Variants in STPG2 observed in about 807,000 individuals in gnomAD.
STPG2 encodes sperm-tail PG-rich repeat-containing protein 2.
STPG2 carries 56 observed loss-of-function variants against 54.2 expected under a neutral mutation model. The observed-to-expected ratio is 1.03, with a 90% CI of 0.83 to 1.29. The LOEUF (loss-of-function observed/expected upper bound fraction) is 1.29, where lower values mean the gene tolerates loss of function less well. STPG2 is among the 50% of genes most tolerant of loss of function. The pLI, the probability that STPG2 is intolerant of heterozygous loss-of-function variation, is 0.00. For missense variants in STPG2, 596 were observed against 544.9 expected (o/e 1.09, Z -0.93); for synonymous variants, 200 against 181.8 (o/e 1.10, Z -0.81).
At chr4:98,090,959 CTACACACACACACAAATACA>C (rs138313491) in intron 5 of STPG2, among the ~76,000 whole-genome samples, 59,798 of 151,102 alleles carry the variant, frequency 0.4, 12,041 homozygotes, top group Middle Eastern at 0.46. Context: ...CTACACACAG[CTACACACACACACAAATACA>C]TACACACACA....
At chr4:97,779,836 T>C (rs1311666284) in intron 9 of STPG2, among the ~76,000 whole-genome samples, 1 of 152,106 alleles carries the variant, frequency 6.6e-6, no homozygotes, top group Non-Finnish European at 1.5e-5. Context: ...AAACTAAGCT[T>C]CATAAGTGAA....
intron 5 of STPG2, among the ~76,000 whole-genome samples, chr4:98,104,418 C>G (rs1431197884): frequency 6.6e-6 from 1 of 152,006 alleles, no homozygotes; most frequent in African/African-American, 2.4e-5. Context: ...AGTTTAATTC[C>G]TTATTCTTTT....
chr4:98,072,178 A>G (rs981005258), intron 5 of STPG2, among the ~76,000 whole-genome samples: 4 of 152,238 alleles, frequency 2.6e-5, no homozygotes, highest in East Asian at 1.9e-4. Context: ...TCAATGATAG[A>G]CTGGATAAAG....
At chr4:97,584,554 G>T (rs1456061941) in intron 10 of STPG2, among the ~76,000 whole-genome samples, 1 of 151,888 alleles carries the variant, frequency 6.6e-6, no homozygotes, top group African/African-American at 2.4e-5. Flanking sequence ...AAATGAAATT[G>T]AAGCAAAATA....
intron 6 of STPG2, among the ~76,000 whole-genome samples, chr4:97,978,896 A>T (rs957065085): frequency 6.6e-6 from 1 of 152,134 alleles, no homozygotes; most frequent in Non-Finnish European, 1.5e-5. Flanking sequence ...AGAACTTCTC[A>T]AAAAGGGGCC....
intron 10 of STPG2, among the ~76,000 whole-genome samples, chr4:97,701,081 C>T (rs752711705): frequency 6.6e-6 from 1 of 152,162 alleles, no homozygotes; most frequent in African/African-American, 2.4e-5. Flanking sequence ...TCTCTGCAAT[C>T]CCTCCAGGGA....
intron 3 of STPG2, among the ~76,000 whole-genome samples, chr4:98,126,813 T>C (rs895641395): frequency 6.6e-6 from 1 of 152,086 alleles, no homozygotes; most frequent in Admixed American, 6.6e-5. Flanking sequence ...AATATAAATA[T>C]ATGGGGAGAA....
intron 7 of STPG2, among the ~76,000 whole-genome samples, chr4:97,956,162 A>C (rs1009838180): frequency 6.6e-6 from 1 of 152,294 alleles, no homozygotes; most frequent in East Asian, 1.9e-4. Context: ...AAGATAACAA[A>C]ATGGAGTTAA....
At chr4:97,474,387 G>C (rs72885594) in intron 4 of STPG2, among the ~76,000 whole-genome samples, 16,158 of 152,170 alleles carry the variant, frequency 0.11, 2,521 homozygotes, top group African/African-American at 0.34. Flanking sequence ...ATGGAGGTTG[G>C]GGGGTGGATA....
At chr4:97,599,042 A>G (rs1207875164) in intron 10 of STPG2, among the ~76,000 whole-genome samples, 1 of 152,208 alleles carries the variant, frequency 6.6e-6, no homozygotes, top group Non-Finnish European at 1.5e-5. Context: ...TCCAGCATCT[A>G]TAAGTAACTT....
At chr4:97,802,135 T>C (rs929078816) in intron 9 of STPG2, among the ~76,000 whole-genome samples, 1 of 152,174 alleles carries the variant, frequency 6.6e-6, no homozygotes, top group Non-Finnish European at 1.5e-5. Flanking sequence ...TGAGAAACAC[T>C]GTTTTAGTCT....
At chr4:97,556,030 C>T (rs76902103), downstream of STPG2, among the ~76,000 whole-genome samples, 6,847 of 152,102 alleles carry the variant, frequency 0.045, 406 homozygotes, top group African/African-American at 0.14. Context: ...GAATCTTATC[C>T]TGCTTAAGAT....
chr4:98,126,727 C>T (rs144153403), intron 3 of STPG2, among the ~76,000 whole-genome samples: 302 of 152,262 alleles, frequency 2.0e-3, no homozygotes, highest in African/African-American at 7.1e-3. Context: ...GTTATTAGAA[C>T]ACTTACACTG....
At chr4:97,645,619 T>C (rs983329098) in intron 10 of STPG2, among the ~76,000 whole-genome samples, 2 of 152,088 alleles carry the variant, frequency 1.3e-5, no homozygotes, top group African/African-American at 4.8e-5. Flanking sequence ...TCATGGGGGG[T>C]TGGCAACCCT....
intron 10 of STPG2, among the ~76,000 whole-genome samples, chr4:97,650,735 T>C (rs1003286969): frequency 1.3e-5 from 2 of 152,112 alleles, no homozygotes; most frequent in Admixed American, 1.3e-4. Flanking sequence ...TGGGAGGGCC[T>C]AGAAGAATAA....
chr4:97,850,985 T>C (rs771500803), intron 8 of STPG2, among the ~76,000 whole-genome samples: 2 of 152,200 alleles, frequency 1.3e-5, no homozygotes, highest in African/African-American at 2.4e-5. Flanking sequence ...GAACTATCTT[T>C]GTCAAAAGCT....
chr4:98,000,105 A>G (rs1735369607), intron 5 of STPG2, among the ~76,000 whole-genome samples: 1 of 152,168 alleles, frequency 6.6e-6, no homozygotes. Flanking sequence ...CTACTCTAAT[A>G]TAATCTTGAT....
chr4:97,819,083 A>C (rs1728005109), intron 9 of STPG2, among the ~76,000 whole-genome samples: 1 of 151,546 alleles, frequency 6.6e-6, no homozygotes, highest in Non-Finnish European at 1.5e-5. Context: ...TATCATTTCG[A>C]ATAAAGATAT....
chr4:97,756,049 T>TC (rs1266372491), intron 9 of STPG2, among the ~76,000 whole-genome samples: 1 of 152,064 alleles, frequency 6.6e-6, no homozygotes, highest in Non-Finnish European at 1.5e-5. Flanking sequence ...TTTCTAACTC[T>TC]CCCCCTCCCT....
Sources: gnomAD v4.1 joint callset for allele counts (sites outside exome capture counted in the v4.1 genomes callset) on GRCh38, gnomAD v4.1.1 for gene constraint, MANE v1.5 for transcripts, NCBI Gene and HGNC (gene_info 2026-07-23, HGNC 2026-07-21) for gene names.